The following ADCY5 variants were observed in gnomAD, a reference collection of about 807,000 sequenced individuals.
The protein encoded by ADCY5 is adenylate cyclase 5, also known as adenylate cyclase type 5.
ADCY5 carries 30 observed loss-of-function variants against 119.7 expected under a neutral mutation model. The observed-to-expected ratio is 0.25, with a 90% CI of 0.19 to 0.34. The LOEUF (loss-of-function observed/expected upper bound fraction) is 0.34, where lower values mean the gene tolerates loss of function less well. Ranked by LOEUF, ADCY5 falls within the 10% of genes least tolerant of loss-of-function variation. ADCY5 has a pLI of 1.00. For synonymous variants in ADCY5, 753 were observed against 762.2 expected (o/e 0.99, Z 0.20); for missense variants, 1,324 against 1,775.2 (o/e 0.75, Z 4.57).
At chr3:123,336,396 G>T (rs1942026534) in intron 3 of ADCY5, among the ~76,000 whole-genome samples, 2 of 152,264 alleles carry the variant, frequency 1.3e-5, no homozygotes. Context: ...CAAGGAGCAT[G>T]TTCAGTGAGT....
At position 123,314,275 on chromosome 3, in the gene ADCY5, G is replaced by C; in HGVS notation, c.2402C>G (p.Thr801Ser). ...SFYLTCSLLL[T>S]LVVFVSVIYS... ...GATCACAGACACAAACACCACCAAG[G>C]TCAGCAGCAGGGAACAGGTCAGGTA... Residue 801 changes from threonine (T) to serine (S), a missense_variant, in exon 12 of 21, where the codon ACC (threonine) becomes AGC (serine). Physicochemically the swap from Thr to Ser is moderately conservative, Grantham distance 58. Around this residue, in one of 6 missense-constraint regions of ADCY5, gnomAD observed 424 missense variants for 546.8 expected, o/e 0.78. Coordinates refer to ENST00000462833, the MANE Select transcript of ADCY5 (RefSeq NM_183357.3). The C allele has an allele frequency of 6.2e-7, 1 of 1,613,898 alleles. No individual in the cohort carries two copies. Among genetic ancestry groups the C allele is most frequent in the African/African-American group, 1.3e-5 (1 of 75,052 alleles).
chr3:123,324,722 G>A (rs1303181585), intron 8 of ADCY5, among the ~76,000 whole-genome samples: 2 of 152,200 alleles, frequency 1.3e-5, no homozygotes, highest in African/African-American at 4.8e-5. Flanking sequence ...AGGGTCCCTG[G>A]AGGTGGAGCT....
At position 123,447,413 on chromosome 3, in the gene ADCY5, T is replaced by C. The variant is rs751776213; in HGVS notation, c.1133A>G (p.Gln378Arg). The change falls in exon 1 of 21, where the codon CAG becomes CGG. Residue 378 changes from glutamine (Q) to arginine (R), a missense_variant and splice_region_variant. Physicochemically the swap from Gln to Arg is conservative, Grantham distance 43. This residue lies in a region of ADCY5 where 585 missense variants were observed against 569.9 expected (regional missense o/e 1.03). Transcript: ENST00000462833. ...CCCGGTGGCCAGGTCGGCCCCTACC[T>C]GCTTCAGCAGGAACTGGTCCTGGGC... ...TNAQDQFLLK[Q>R]LVSNVLIFSC... The C allele has an allele frequency of 6.4e-7, 1 of 1,568,032 alleles. No homozygotes were observed. The highest frequency in any genetic ancestry group is 8.7e-7 in the Non-Finnish European group (1 of 1,154,450).
At chr3:123,421,149 C>T (rs1945295711) in intron 1 of ADCY5, among the ~76,000 whole-genome samples, 1 of 152,174 alleles carries the variant, frequency 6.6e-6, no homozygotes, top group Non-Finnish European at 1.5e-5. Context: ...GACAGTTTAA[C>T]ATATAACAGA....
At chr3:123,420,372 G>A (rs903148125) in intron 1 of ADCY5, 2 of 152,226 alleles carry the variant, frequency 1.3e-5, no homozygotes, top group African/African-American at 2.4e-5. Context: ...GAGATGCTCA[G>A]GCCAAAACCC....
intron 3 of ADCY5, among the ~76,000 whole-genome samples, chr3:123,344,089 C>G (rs1365872904): frequency 6.6e-6 from 1 of 152,202 alleles, no homozygotes. Context: ...AGGCCATGGA[C>G]AGTGGTGGCC....
chr3:123,385,591 C>G (rs1944195915), intron 1 of ADCY5, among the ~76,000 whole-genome samples: 1 of 152,056 alleles, frequency 6.6e-6, no homozygotes, highest in African/African-American at 2.4e-5. Context: ...CTACCCCTGC[C>G]CCTCCAGCTC....
intron 3 of ADCY5, among the ~76,000 whole-genome samples, chr3:123,345,769 G>GACAGACAC (rs57198270): frequency 2.6e-5 from 3 of 113,762 alleles, no homozygotes; most frequent in Admixed American, 1.9e-4. Flanking sequence ...CAGACAGACA[G>GACAGACAC]ACACACACAC....
At chr3:123,373,639 T>G (rs1943711773) in intron 1 of ADCY5, among the ~76,000 whole-genome samples, 1 of 152,188 alleles carries the variant, frequency 6.6e-6, no homozygotes, top group Non-Finnish European at 1.5e-5. Context: ...CACAAGTCAC[T>G]TAAGCTAAAT....
In ADCY5 at chr3:123,303,838, A is replaced by AAAGAGAAGAG. The variant is rs780526569; in HGVS notation, c.2559+219_2559+228dup. Among the ~76,000 whole-genome samples, 370 of 99,436 alleles carry AAAGAGAAGAG rather than the reference A, an allele frequency of 3.7e-3. 2 individuals are homozygous for AAAGAGAAGAG. The highest frequency in any genetic ancestry group is 0.014 in the African/African-American group (317 of 22,284). The allele number at this position is 99,436 out of a possible 152,430, so 65.2% of individuals were successfully genotyped here. A position where few individuals can be genotyped will look rare whatever the true frequency, so the allele number is the denominator to read the frequency against. On this transcript the variant is annotated intron_variant, in intron 13 of 20. Coordinates refer to ENST00000462833, the MANE Select transcript of ADCY5 (RefSeq NM_183357.3). ...AGACTCTGTCTCAAAACTGGAAAGA[A>AAAGAGAAGAG]AAGAGAAGAGAAGAGAAGAGAAGAG... is the stretch of plus-strand genomic sequence containing the variant.
chr3:123,370,823 G>C (rs11923649), intron 1 of ADCY5, among the ~76,000 whole-genome samples: 6 of 148,410 alleles, frequency 4.0e-5, no homozygotes, highest in East Asian at 2.0e-4. Context: ...TGCCCTCTCC[G>C]TTCCTCCCCC....
chr3:123,368,855 C>T (rs1230673978), intron 1 of ADCY5, among the ~76,000 whole-genome samples: 3 of 151,792 alleles, frequency 2.0e-5, no homozygotes, highest in Non-Finnish European at 4.4e-5. Context: ...ACAATAAATT[C>T]TTGTTAAATG....
At chr3:123,372,333 T>G (rs1203663453) in intron 1 of ADCY5, among the ~76,000 whole-genome samples, 1 of 152,104 alleles carries the variant, frequency 6.6e-6, no homozygotes, top group African/African-American at 2.4e-5. Context: ...AAGCAGAGAA[T>G]GACATTCCCC....
intron 5 of ADCY5, among the ~76,000 whole-genome samples, chr3:123,330,195 C>T (rs1170194626): frequency 1.3e-5 from 2 of 152,210 alleles, no homozygotes; most frequent in African/African-American, 4.8e-5. Flanking sequence ...GGCTGCCTTC[C>T]TGGCAGCCAC....
intron 5 of ADCY5, among the ~76,000 whole-genome samples, chr3:123,329,114 T>C (rs903961220): frequency 1.3e-5 from 2 of 152,168 alleles, no homozygotes; most frequent in Non-Finnish European, 1.5e-5. Flanking sequence ...TAAATTGTGA[T>C]TGGAAAAATG....
chr3:123,394,587 G>A (rs979962359), intron 1 of ADCY5, among the ~76,000 whole-genome samples: 1 of 152,202 alleles, frequency 6.6e-6, no homozygotes, highest in Admixed American at 6.5e-5. Flanking sequence ...AAACTGGAAG[G>A]GAAGGTAGGA....
chr3:123,284,500 C>G lies in ADCY5; in HGVS notation c.*108G>C. The G allele has an allele frequency of 6.6e-7, 1 of 1,507,864 alleles. No homozygotes were observed. The allele number at this position is 1,507,864 out of a possible 1,614,324, so 93.4% of individuals were successfully genotyped here. On this transcript the variant is annotated 3_prime_UTR_variant, in exon 21 of 21. Transcript: ENST00000462833. ...GAGTCCAAGTGGAAAATCTCAGCAGCGCAGCCCTGCGGGCTGGAGCATGGC... is the reference window on the plus strand; with the variant it reads ...GAGTCCAAGTGGAAAATCTCAGCAGGGCAGCCCTGCGGGCTGGAGCATGGC...
chr3:123,287,548 A>T (rs1170036234), intron 19 of ADCY5, among the ~76,000 whole-genome samples: 1 of 151,920 alleles, frequency 6.6e-6, no homozygotes, highest in Non-Finnish European at 1.5e-5. Context: ...ATTAGGCCTC[A>T]CTCTTGCCTG....
intron 1 of ADCY5, among the ~76,000 whole-genome samples, chr3:123,440,778 C>A (rs187647185): frequency 6.6e-6 from 1 of 152,288 alleles, no homozygotes; most frequent in Admixed American, 6.5e-5. Context: ...ACTAACCTCC[C>A]CCTCAAAAGG....
Sources: gnomAD v4.1 joint callset for allele counts (sites outside exome capture counted in the v4.1 genomes callset) on GRCh38, gnomAD v4.1.1 for gene constraint, gnomAD v4.1.1 regional missense constraint, MANE v1.5 for transcripts, NCBI Gene and HGNC (gene_info 2026-07-23, HGNC 2026-07-21) for gene names.